Variants in INO80 observed in about 807,000 individuals in gnomAD.
INO80 encodes the protein INO80 complex ATPase subunit.
INO80 carries 20 observed loss-of-function variants against 203.4 expected under a neutral mutation model. The ratio of observed to expected loss-of-function variants is 0.10; its 90% CI spans 0.07 to 0.14. The LOEUF (loss-of-function observed/expected upper bound fraction) is 0.14. INO80 is among the 10% of genes least tolerant of loss of function. The pLI is 1.00. For missense variants in INO80, 1,419 were observed against 1,914.4 expected (o/e 0.74, Z 4.83); for synonymous variants, 726 against 685.2 (o/e 1.06, Z -0.93).
At chr15:41,066,453 A>G (rs1392126286) in intron 14 of INO80, among the ~76,000 whole-genome samples, 1 of 152,090 alleles carries the variant, frequency 6.6e-6, no homozygotes, top group Non-Finnish European at 1.5e-5. Flanking sequence ...CACCAGGCCC[A>G]GCCCATTTTT....
At chr15:40,998,919 T>C (rs971571829) in intron 28 of INO80, among the ~76,000 whole-genome samples, 1 of 151,618 alleles carries the variant, frequency 6.6e-6, no homozygotes, top group African/African-American at 2.4e-5. Flanking sequence ...CCTCCCAAAG[T>C]GCTGGGATTC....
intron 29 of INO80, among the ~76,000 whole-genome samples, chr15:40,996,036 T>TGAGAGA (rs35496221): frequency 2.0e-5 from 3 of 149,962 alleles, no homozygotes; most frequent in Admixed American, 6.6e-5. Flanking sequence ...ATCAGATTAG[T>TGAGAGA]GAGAGAGAGA....
chr15:41,070,119 T>G (rs543890125), intron 13 of INO80, among the ~76,000 whole-genome samples: 1 of 152,180 alleles, frequency 6.6e-6, no homozygotes, highest in African/African-American at 2.4e-5. Flanking sequence ...GAGAGTTAAG[T>G]TGAAAAAGAG....
chr15:40,986,754 G>A (rs897319020), intron 31 of INO80, among the ~76,000 whole-genome samples: 1 of 152,082 alleles, frequency 6.6e-6, no homozygotes, highest in African/African-American at 2.4e-5. Flanking sequence ...GCTTCCCAAA[G>A]TGCTGGAATT....
chr15:41,010,266 A>G (rs749359570), intron 27 of INO80, among the ~76,000 whole-genome samples: 1 of 152,198 alleles, frequency 6.6e-6, no homozygotes, highest in Non-Finnish European at 1.5e-5. Flanking sequence ...TTATCCAATC[A>G]TTATGGCAAC....
At chr15:40,987,055 A>G (rs1455432772) in intron 31 of INO80, 36 bp downstream of exon 31, 1 of 1,188,812 alleles carries the variant, frequency 8.4e-7, no homozygotes, top group Admixed American at 1.7e-5. Context: ...ATTCTCAGAT[A>G]CGTGAGGGGA....
At chr15:41,059,722 G>GT in intron 15 of INO80, 145 bp downstream of exon 15, 1 of 544,766 alleles carries the variant, frequency 1.8e-6, no homozygotes, top group Non-Finnish European at 3.2e-6. Flanking sequence ...GAAAAGTATT[G>GT]TATCAGAAAA....
intron 13 of INO80, 128 bp downstream of exon 13, chr15:41,070,339 G>T: frequency 1.2e-6 from 1 of 820,076 alleles, no homozygotes; most frequent in Non-Finnish European, 1.9e-6. Flanking sequence ...AAAGCTCTGA[G>T]GCAAGAACCC....
chr15:40,985,533 A>C, intron 31 of INO80, 107 bp from the exon 32 acceptor site: 1 of 848,154 alleles, frequency 1.2e-6, no homozygotes, highest in Middle Eastern at 2.2e-4. Context: ...TCCAAGTATC[A>C]CTTCTATCTG....
chr15:40,994,778 T>C (rs1054010162), intron 29 of INO80, among the ~76,000 whole-genome samples: 1 of 152,250 alleles, frequency 6.6e-6, no homozygotes, highest in African/African-American at 2.4e-5. Flanking sequence ...TGTTGCATGC[T>C]GAATTCCCAG....
At chr15:41,004,818 A>G (rs2044014021) in intron 28 of INO80, 1 of 152,248 alleles carries the variant, frequency 6.6e-6, no homozygotes, top group Non-Finnish European at 1.5e-5. Context: ...TTAAAAGGAA[A>G]GCAGGAAAAT....
chr15:41,090,924 T>A (rs550638849), intron 5 of INO80, among the ~76,000 whole-genome samples: 18 of 144,586 alleles, frequency 1.2e-4, no homozygotes, highest in African/African-American at 5.1e-4. Context: ...TTTTAGAAAT[T>A]CTTTTTTTTT....
At chr15:41,023,525 T>C (rs182718467) in intron 25 of INO80, among the ~76,000 whole-genome samples, 244 of 152,084 alleles carry the variant, frequency 1.6e-3, no homozygotes, top group Admixed American at 2.6e-3. Context: ...TCCCAGCAGT[T>C]TGGGAGGCCG....
At chr15:41,050,610 C>T (rs1454994833) in intron 19 of INO80, among the ~76,000 whole-genome samples, 1 of 152,148 alleles carries the variant, frequency 6.6e-6, no homozygotes, top group Non-Finnish European at 1.5e-5. Flanking sequence ...TCCTTCAATT[C>T]AGCTTGGAAA....
intron 10 of INO80, among the ~76,000 whole-genome samples, chr15:41,074,038 T>A (rs1041935660): frequency 3.3e-5 from 5 of 152,088 alleles, no homozygotes; most frequent in Non-Finnish European, 4.4e-5. Flanking sequence ...ACAAGAATCG[T>A]ATTATGTGAG....
chr15:41,057,165 T>C (rs1255964223), intron 16 of INO80, among the ~76,000 whole-genome samples: 1 of 152,178 alleles, frequency 6.6e-6, no homozygotes, highest in African/African-American at 2.4e-5. Flanking sequence ...GCCAAAGGCA[T>C]ATGCTCCTTC....
At chr15:41,080,007 T>C (rs886142083) in intron 8 of INO80, 103 bp from the exon 9 acceptor site, 1 of 989,804 alleles carries the variant, frequency 1.0e-6, no homozygotes, top group South Asian at 1.4e-5. Context: ...AGCCAAACTG[T>C]CATCCTTGAC....
intron 5 of INO80, 88 bp from the exon 6 acceptor site, chr15:41,087,770 T>C: frequency 7.6e-7 from 1 of 1,315,096 alleles, no homozygotes; most frequent in Non-Finnish European, 1.0e-6. Context: ...CCAGAGGAAA[T>C]CATAGCTCCT....
At chr15:41,090,794 A>C (rs991006527) in intron 5 of INO80, among the ~76,000 whole-genome samples, 10 of 152,060 alleles carry the variant, frequency 6.6e-5, no homozygotes, top group African/African-American at 2.2e-4. Flanking sequence ...ATTACATCTC[A>C]ATAAAGCTGC....
Sources: gnomAD v4.1 joint callset for allele counts (sites outside exome capture counted in the v4.1 genomes callset) on GRCh38, gnomAD v4.1.1 for gene constraint, MANE v1.5 for transcripts, NCBI Gene and HGNC (gene_info 2026-07-23, HGNC 2026-07-21) for gene names.